The following PCMTD1 variants were observed in gnomAD, a reference collection of about 807,000 sequenced individuals.
PCMTD1 encodes protein-L-isoaspartate (D-aspartate) O-methyltransferase domain containing 1.
In PCMTD1, 12 loss-of-function variants were observed where a neutral mutation model predicts 37.6. The observed-to-expected ratio is 0.32, with a 90% confidence interval of 0.20 to 0.52. The LOEUF (loss-of-function observed/expected upper bound fraction) is 0.52. Ranked by LOEUF, PCMTD1 falls within the 20% of genes least tolerant of loss-of-function variation. The probability of loss-of-function intolerance (pLI) is 0.97; values close to 1 mark genes in which losing one functional copy is unlikely to be tolerated. For missense variants in PCMTD1, 235 were observed against 421.3 expected, an observed-to-expected ratio of 0.56 and a Z score of 3.87; for synonymous variants, 117 against 135.8, an observed-to-expected ratio of 0.86 and a Z score of 0.96.
intron 1 of PCMTD1, among the ~76,000 whole-genome samples, chr8:51,884,145 C>G (rs2038831627): frequency 6.6e-6 from 1 of 152,042 alleles, no homozygotes; most frequent in Non-Finnish European, 1.5e-5. Flanking sequence ...CTGAACATTA[C>G]CTATCAGTTG....
At chr8:51,867,200 G>A (rs1051665671) in intron 1 of PCMTD1, among the ~76,000 whole-genome samples, 1 of 152,026 alleles carries the variant, frequency 6.6e-6, no homozygotes, top group Non-Finnish European at 1.5e-5. Flanking sequence ...ACAAGTATTG[G>A]CAAGGTTGTA....
intron 1 of PCMTD1, 23 bp downstream of exon 1, chr8:51,898,907 G>A: frequency 7.6e-7 from 1 of 1,320,516 alleles, no homozygotes; most frequent in South Asian, 2.0e-5. Context: ...ACGACCCCGA[G>A]CCCCCACTGG....
chr8:51,846,853 T>C (rs1197274122), intron 2 of PCMTD1, among the ~76,000 whole-genome samples: 2 of 152,206 alleles, frequency 1.3e-5, no homozygotes, highest in African/African-American at 4.8e-5. Flanking sequence ...TGTTCAGATA[T>C]AATCTTAAAC....
chr8:51,887,832 C>A (rs771623187), intron 1 of PCMTD1, among the ~76,000 whole-genome samples: 9 of 150,794 alleles, frequency 6.0e-5, no homozygotes, highest in Non-Finnish European at 1.0e-4. Context: ...ACCTCTGCCT[C>A]CCGGGTTCAA....
At chr8:51,837,389 T>C (rs930985715) in intron 3 of PCMTD1, among the ~76,000 whole-genome samples, 1 of 152,068 alleles carries the variant, frequency 6.6e-6, no homozygotes, top group African/African-American at 2.4e-5. Flanking sequence ...TATTACTAAA[T>C]TTAAAAATAA....
chr8:51,824,231 C>G (rs1053389808), intron 5 of PCMTD1, among the ~76,000 whole-genome samples: 1 of 152,138 alleles, frequency 6.6e-6, no homozygotes, highest in African/African-American at 2.4e-5. Context: ...AAAGCATAGT[C>G]AAATAGGAAG....
intron 5 of PCMTD1, among the ~76,000 whole-genome samples, chr8:51,826,429 G>T (rs2037922297): frequency 6.6e-6 from 1 of 152,148 alleles, no homozygotes; most frequent in African/African-American, 2.4e-5. Context: ...TAGGTCATGG[G>T]TTGATGGGTG....
At chr8:51,869,142 C>T (rs954752960) in intron 1 of PCMTD1, among the ~76,000 whole-genome samples, 1 of 152,094 alleles carries the variant, frequency 6.6e-6, no homozygotes, top group African/African-American at 2.4e-5. Context: ...ACTTGAGAAG[C>T]TCGTAAATCG....
intron 5 of PCMTD1, among the ~76,000 whole-genome samples, chr8:51,828,581 G>C (rs1252873857): frequency 6.6e-6 from 1 of 152,128 alleles, no homozygotes; most frequent in Non-Finnish European, 1.5e-5. Flanking sequence ...TATCACTTTT[G>C]CAACCAAAGT....
Position 51,890,225 on chromosome 8 carries a change from G to A in PCMTD1, c.-96+8705C>T, listed in dbSNP as rs2038918707. Among the ~76,000 whole-genome samples the A allele has an allele frequency of 2.6e-5, 4 of 152,068 alleles. No individual in the cohort carries two copies. The South Asian group carries it at 8.3e-4, about 32-fold the overall frequency. On this transcript the variant is annotated intron_variant, in intron 1 of 5. Coordinates refer to ENST00000522514, the MANE Select transcript of PCMTD1 (RefSeq NM_052937.4). The stretch of plus-strand genomic sequence containing the variant: ...AAGGTTCAAATTACTCTATTTACAG[G>A]GAAAAGTCAAGCCTATTAAAAACGG...
chr8:51,865,132 G>A (rs2038532114), intron 1 of PCMTD1, among the ~76,000 whole-genome samples: 1 of 151,948 alleles, frequency 6.6e-6, no homozygotes, highest in African/African-American at 2.4e-5. Flanking sequence ...GAATCAAGAA[G>A]GAACAGAAAA....
chr8:51,888,143 C>A (rs1489998827), intron 1 of PCMTD1, among the ~76,000 whole-genome samples: 1 of 152,152 alleles, frequency 6.6e-6, no homozygotes, highest in African/African-American at 2.4e-5. Flanking sequence ...TAACTCCTGA[C>A]CTTACTTTTA....
At position 51,825,586 on chromosome 8, in the gene PCMTD1, C is replaced by G. The variant is rs557381025; in HGVS notation, c.707-4868G>C. Among the ~76,000 whole-genome samples, 92 of 54,612 alleles carry G rather than the reference C, an allele frequency of 1.7e-3. 9 individuals carry two copies. Among genetic ancestry groups the G allele is most frequent in the African/African-American group, 2.7e-3 (92 of 33,636 alleles). The allele number at this position is 54,612 out of a possible 152,430, so 35.8% of individuals were successfully genotyped here. A position where few individuals can be genotyped will look rare whatever the true frequency, so the allele number is the denominator to read the frequency against. Reference sequence around the variant, plus strand: ...GCGGGCGCCTGTAGTCCCAGCTACTCGGGAGGCTGAGGCAGGAGAATGGCG... The same window carrying G: ...GCGGGCGCCTGTAGTCCCAGCTACTGGGGAGGCTGAGGCAGGAGAATGGCG... On this transcript the variant is annotated intron_variant, in intron 5 of 5. Coordinates refer to ENST00000522514, the MANE Select transcript of PCMTD1 (RefSeq NM_052937.4).
In PCMTD1 at chr8:51,827,687, C is replaced by T. The variant is rs148268264; in HGVS notation, c.706+3757G>A. Among the ~76,000 whole-genome samples the T allele has an allele frequency of 9.1e-4, 139 of 152,250 alleles. 1 individual carries two copies. Among genetic ancestry groups the T allele is most frequent in the African/African-American group, 3.2e-3 (132 of 41,532 alleles). On this transcript the variant is annotated intron_variant, in intron 5 of 5. Coordinates refer to ENST00000522514, the MANE Select transcript of PCMTD1 (RefSeq NM_052937.4). ...AAAGAGTCAATGGTTTAATAACTCC[C>T]ATATATCTGGGCACTCAGCTTCAAC...
At chr8:51,883,444 T>TA (rs2038820841) in intron 1 of PCMTD1, among the ~76,000 whole-genome samples, 1 of 152,108 alleles carries the variant, frequency 6.6e-6, no homozygotes, top group African/African-American at 2.4e-5. Flanking sequence ...TAGATAATAA[T>TA]AGAGGGACAC....
chr8:51,839,064 A>G (rs2038108603), intron 3 of PCMTD1, among the ~76,000 whole-genome samples: 2 of 150,638 alleles, frequency 1.3e-5, no homozygotes, highest in East Asian at 3.9e-4. Flanking sequence ...GTTTGTAAGT[A>G]AAATAAAAAG....
intron 5 of PCMTD1, among the ~76,000 whole-genome samples, chr8:51,826,434 T>C (rs915052489): frequency 6.6e-6 from 1 of 152,152 alleles, no homozygotes; most frequent in African/African-American, 2.4e-5. Flanking sequence ...CATGGGTTGA[T>C]GGGTGCAGCA....
At chr8:51,832,969 CTGAG>C (rs2038017600) in intron 4 of PCMTD1, among the ~76,000 whole-genome samples, 2 of 152,188 alleles carry the variant, frequency 1.3e-5, no homozygotes, top group African/African-American at 4.8e-5. Context: ...CCTCAGCCTT[CTGAG>C]TAGCTGAGAC....
intron 1 of PCMTD1, 134 bp downstream of exon 1, chr8:51,898,796 C>T (rs1402518789): frequency 2.2e-6 from 2 of 900,334 alleles, no homozygotes; most frequent in African/African-American, 3.5e-5. Flanking sequence ...CCCTTAAGTC[C>T]CCCTGCCCCC....
Sources: gnomAD v4.1 joint callset for allele counts (sites outside exome capture counted in the v4.1 genomes callset) on GRCh38, gnomAD v4.1.1 for gene constraint, MANE v1.5 for transcripts, NCBI Gene and HGNC (gene_info 2026-07-23, HGNC 2026-07-21) for gene names.